The following LOXHD1 variants were observed in gnomAD, a reference collection of about 807,000 sequenced individuals.
LOXHD1 encodes lipoxygenase homology domain-containing protein 1.
LOXHD1 carries 205 observed loss-of-function variants against 248.2 expected under a neutral mutation model. The ratio of observed to expected loss-of-function variants is 0.83; its 90% CI spans 0.74 to 0.93. The LOEUF (loss-of-function observed/expected upper bound fraction) is 0.93. Ranked by LOEUF, LOXHD1 falls within the 40% of genes least tolerant of loss-of-function variation. The pLI, the probability that LOXHD1 is intolerant of heterozygous loss-of-function variation, is 0.00. For missense variants in LOXHD1, 2,930 were observed against 2,971.6 expected (o/e 0.99, Z 0.33); for synonymous variants, 1,113 against 1,162.8 (o/e 0.96, Z 0.87).
At chr18:46,592,263 C>T (rs187228894) in intron 11 of LOXHD1, among the ~76,000 whole-genome samples, 195 bp from the exon 12 acceptor site, 18 of 112,638 alleles carry the variant, frequency 1.6e-4, no homozygotes, top group Admixed American at 9.8e-4. Flanking sequence ...AACCAGATGA[C>T]TAGGGCAGAA....
At chr18:46,637,323 C>T (rs1479035915) in intron 4 of LOXHD1, among the ~76,000 whole-genome samples, 4 of 152,178 alleles carry the variant, frequency 2.6e-5, no homozygotes, top group Non-Finnish European at 5.9e-5. Flanking sequence ...CAGGGGGTGT[C>T]TACCCTGAGG....
intron 37 of LOXHD1, among the ~76,000 whole-genome samples, chr18:46,503,014 A>G (rs1297756925): frequency 6.6e-6 from 1 of 152,110 alleles, no homozygotes; most frequent in Non-Finnish European, 1.5e-5. Context: ...GGTATTTCTC[A>G]GCTCTCTGGG....
intron 40 of LOXHD1, among the ~76,000 whole-genome samples, chr18:46,480,892 C>T (rs1228096659): frequency 1.3e-5 from 2 of 152,224 alleles, no homozygotes; most frequent in East Asian, 3.9e-4. Context: ...ATTAGATATG[C>T]TACCGGGATA....
At chr18:46,625,946 C>G (rs183823129) in intron 4 of LOXHD1, among the ~76,000 whole-genome samples, 47 of 152,312 alleles carry the variant, frequency 3.1e-4, no homozygotes, top group Admixed American at 2.9e-3. Flanking sequence ...TAGTATTTAT[C>G]TTCCCAGAGG....
intron 12 of LOXHD1, among the ~76,000 whole-genome samples, chr18:46,583,051 T>C (rs1259008671): frequency 6.6e-6 from 1 of 152,180 alleles, no homozygotes; most frequent in Non-Finnish European, 1.5e-5. Context: ...TACACAGAGA[T>C]TGGCAAAATG....
At chr18:46,559,702 G>C (rs957067133) in intron 19 of LOXHD1, 100 bp from the exon 20 acceptor site, 25 of 1,320,546 alleles carry the variant, frequency 1.9e-5, no homozygotes, top group Middle Eastern at 2.0e-4. Context: ...TAGAACAGAG[G>C]GATCTTCAGA....
Position 46,551,620 on chromosome 18 carries a change from T to C in LOXHD1, c.3351-4562A>G, listed in dbSNP as rs188464799. Among the ~76,000 whole-genome samples, 376 of 152,268 alleles carry C rather than the reference T, an allele frequency of 2.5e-3. 3 individuals are homozygous for C. The highest frequency in any genetic ancestry group is 5.0e-4 in the Non-Finnish European group (34 of 68,010). On this transcript the variant is annotated intron_variant, in intron 21 of 40. Coordinates refer to ENST00000642948, the MANE Select transcript of LOXHD1 (RefSeq NM_001384474.1). ...AGTGCCTTTGTAAACTGTCATTTTT[T>C]TTCAGAGTGGCCAAGGAGCAGGGCC...
intron 21 of LOXHD1, chr18:46,556,583 C>G (rs1200978241): frequency 2.4e-5 from 4 of 164,494 alleles, no homozygotes; most frequent in African/African-American, 9.6e-5. Flanking sequence ...CACCCTCACC[C>G]TCAGATGTCA....
In LOXHD1 at chr18:46,656,943, C is replaced by T. The variant is rs876657862; in HGVS notation, c.91G>A (p.Asp31Asn). The T allele has an allele frequency of 6.4e-7, 1 of 1,551,628 alleles. No individual in the cohort carries two copies. Among genetic ancestry groups the T allele is most frequent in the South Asian group, 1.2e-5 (1 of 84,064 alleles). ...AELLNYASEDDEGELEHEYYK... is the reference protein window; with the variant it reads ...AELLNYASEDNEGELEHEYYK... ...TACTCGTGTTCCAGCTCCCCCTCGT[C>T]GTCCTCCGAGGCGTAGTTCAGCAGC... Residue 31 changes from aspartate to asparagine, a missense_variant, in exon 1 of 41, where the codon GAC becomes AAC. Coordinates refer to ENST00000642948, the MANE Select transcript of LOXHD1 (RefSeq NM_001384474.1).
At chr18:46,480,359 GACAT>G in intron 40 of LOXHD1, among the ~76,000 whole-genome samples, 1 of 152,230 alleles carries the variant, frequency 6.6e-6, no homozygotes, top group East Asian at 1.9e-4. Flanking sequence ...CGTGTACATA[GACAT>G]ATGGGGATGT....
intron 37 of LOXHD1, among the ~76,000 whole-genome samples, chr18:46,502,890 G>A (rs1391988635): frequency 6.6e-6 from 1 of 152,204 alleles, no homozygotes; most frequent in African/African-American, 2.4e-5. Flanking sequence ...GTGAGTCTTA[G>A]AGGAAGGGCT....
At chr18:46,506,728 T>C (rs1568109449) in intron 36 of LOXHD1, among the ~76,000 whole-genome samples, 1 of 152,246 alleles carries the variant, frequency 6.6e-6, no homozygotes, top group Non-Finnish European at 1.5e-5. Context: ...CATTTATGCC[T>C]GAGATCCTAC....
chr18:46,533,923 T>C (rs2036191251), intron 27 of LOXHD1, among the ~76,000 whole-genome samples: 1 of 151,932 alleles, frequency 6.6e-6, no homozygotes, highest in Admixed American at 6.6e-5. Context: ...TAAAATAAAA[T>C]AAAATTGCTC....
intron 31 of LOXHD1, among the ~76,000 whole-genome samples, chr18:46,523,375 C>A (rs965274441): frequency 6.6e-6 from 1 of 152,112 alleles, no homozygotes; most frequent in Non-Finnish European, 1.5e-5. Flanking sequence ...GAACCATAGG[C>A]AACATTTAGG....
chr18:46,606,788 T>C (rs1005554153), intron 6 of LOXHD1, among the ~76,000 whole-genome samples: 36 of 152,168 alleles, frequency 2.4e-4, no homozygotes, highest in Non-Finnish European at 4.6e-4. Context: ...TATAATAATT[T>C]TGAGGAAAAA....
intron 2 of LOXHD1, 94 bp downstream of exon 2, chr18:46,649,061 C>T (rs2039072874): frequency 1.0e-6 from 1 of 1,003,920 alleles, no homozygotes; most frequent in African/African-American, 1.6e-5. Context: ...TCAGATGTGC[C>T]TTCTCCCCAG....
intron 37 of LOXHD1, among the ~76,000 whole-genome samples, chr18:46,497,891 C>T (rs182272098): frequency 6.7e-4 from 102 of 152,196 alleles, no homozygotes; most frequent in Middle Eastern, 6.8e-3. Context: ...CACAGACAGG[C>T]AGATATAATC....
intron 1 of LOXHD1, among the ~76,000 whole-genome samples, chr18:46,655,985 G>A (rs2039176215): frequency 2.0e-5 from 3 of 152,190 alleles, no homozygotes; most frequent in Admixed American, 6.5e-5. Context: ...GACAAACAAG[G>A]CCATGGGCAG....
At chr18:46,649,077 C>A in intron 2 of LOXHD1, 78 bp downstream of exon 2, 1 of 1,196,268 alleles carries the variant, frequency 8.4e-7, no homozygotes. Context: ...CCCAGAGAAG[C>A]AGGCCACCCT....
Sources: allele counts gnomAD v4.1 joint callset (sites outside exome capture counted in the v4.1 genomes callset), GRCh38; gene constraint gnomAD v4.1.1; transcripts MANE v1.5; gene names NCBI Gene and HGNC (gene_info 2026-07-23, HGNC 2026-07-21).